The following LMAN2 variants were observed in gnomAD, a reference collection of about 807,000 sequenced individuals.
LMAN2 encodes vesicular integral-membrane protein VIP36.
In LMAN2, 22 loss-of-function variants were observed where a neutral mutation model predicts 39.3. The observed-to-expected ratio is 0.56, with a 90% CI of 0.40 to 0.80. The LOEUF (loss-of-function observed/expected upper bound fraction) is 0.80, where lower values mean the gene tolerates loss of function less well. Among genes scored for constraint, LMAN2 ranks in the 30% least tolerant of loss-of-function variants. The pLI is 0.00. For synonymous variants in LMAN2, 207 were observed against 207.8 expected (o/e 1.00, Z 0.03); for missense variants, 494 against 505.4 (o/e 0.98, Z 0.22).
At position 177,332,114 on chromosome 5, in the gene LMAN2, C is replaced by A. The variant is rs138390140; in HGVS notation, c.1043G>T (p.Arg348Leu). Residue 348 changes from arginine (R) to leucine (L), a missense_variant, in exon 8 of 8, where the codon CGG (arginine) becomes CTG (leucine). Arg to Leu is a moderately radical substitution (Grantham distance 102, BLOSUM62 -2). Transcript: ENST00000303127. This position sits in a 1 kb window ranked among gnomAD's most constrained non-coding sequence, Gnocchi z 6.3. Reference sequence around the variant, plus strand: ...GTAGAAGCGCTTGTTCCGCTCCTGCCGCTTCTGGAACACCACGGCCCCCAC... The same window carrying A: ...GTAGAAGCGCTTGTTCCGCTCCTGCAGCTTCTGGAACACCACGGCCCCCAC... ...AVVGAVVFQK[R>L]QERNKRFY The A allele has an allele frequency of 2.5e-6, 4 of 1,613,284 alleles. No individual in the cohort carries two copies. The highest frequency in any genetic ancestry group is 2.5e-6 in the Non-Finnish European group (3 of 1,179,850).
At chr5:177,342,428 A>G (rs1761567572) in intron 2 of LMAN2, among the ~76,000 whole-genome samples, 1 of 152,202 alleles carries the variant, frequency 6.6e-6, no homozygotes, top group Non-Finnish European at 1.5e-5. Context: ...TCACACCTGT[A>G]ATCTGAAACA....
intron 2 of LMAN2, among the ~76,000 whole-genome samples, chr5:177,341,201 G>T (rs892936478): frequency 2.0e-5 from 3 of 151,732 alleles, no homozygotes; most frequent in African/African-American, 7.3e-5. Context: ...TGAGGAGCTG[G>T]GATTACAGGC....
intron 2 of LMAN2, 60 bp from the exon 3 acceptor site, chr5:177,338,665 G>C: frequency 1.4e-6 from 2 of 1,380,346 alleles, no homozygotes; most frequent in Non-Finnish European, 2.1e-6. Context: ...CAAGCTGGAG[G>C]CAACCCCAGC....
intron 2 of LMAN2, 25 bp downstream of exon 2, chr5:177,351,148 G>A (rs1363266989): frequency 5.0e-6 from 8 of 1,603,736 alleles, no homozygotes; most frequent in South Asian, 3.3e-5. Context: ...CGCACAGTAC[G>A]CCTATCCTCT....
rs764703405 is a variant in LMAN2, at chr5:177,351,261, T to A, written c.227A>T (p.Asp76Val). 6.2e-7 allele frequency: 1 copy of A among 1,614,006 alleles called. No individual in the cohort carries two copies. The highest frequency in any genetic ancestry group is 8.5e-7 in the Non-Finnish European group (1 of 1,180,022). The change falls in exon 2 of 8, where the codon GAC (aspartate) becomes GTC (valine). Residue 76 changes from aspartate (D) to valine (V), a missense_variant. Asp to Val is a radical substitution (Grantham distance 152). Coordinates refer to ENST00000303127, the MANE Select transcript of LMAN2 (RefSeq NM_006816.3). ...GVGSSSMPLWDFQGSTMLTSQ... is the reference protein window; with the variant it reads ...GVGSSSMPLWVFQGSTMLTSQ... ...CGTGAGCATAGTGCTGCCCTGGAAG[T>A]CCCAGAGGGGCATAGAGCTGGAACC...
At chr5:177,335,029 T>C (rs983973000) in intron 6 of LMAN2, among the ~76,000 whole-genome samples, 1 of 152,208 alleles carries the variant, frequency 6.6e-6, no homozygotes, top group Non-Finnish European at 1.5e-5. Context: ...GGCTTGACGC[T>C]GATGGATCAC....
rs1554092033 is a variant in LMAN2, at chr5:177,345,736, C to CATTCATTTATTT, written c.315+5436_315+5437insAAATAAATGAAT. Among the ~76,000 whole-genome samples the CATTCATTTATTT allele has an allele frequency of 6.6e-4, 89 of 135,554 alleles. 1 individual carries two copies. The highest frequency in any genetic ancestry group is 5.8e-3 in the East Asian group (27 of 4,640). 88.9% of individuals were successfully genotyped at this position (135,554 alleles called of 152,430 possible). On this transcript the variant is annotated intron_variant, in intron 2 of 7. Coordinates refer to ENST00000303127, the MANE Select transcript of LMAN2 (RefSeq NM_006816.3). ...GAAGGCTCGCAGCAGCCATGGCATG[C>CATTCATTTATTT]ATTTATTTATTTATTTATTTATTTA...
At chr5:177,338,417 C>T in intron 3 of LMAN2, 71 bp downstream of exon 3, 3 of 1,296,418 alleles carry the variant, frequency 2.3e-6, no homozygotes, top group Non-Finnish European at 3.3e-6. Context: ...CCCCACCCCA[C>T]CTCCCTAGGG....
At chr5:177,343,922 A>C (rs776380484) in intron 2 of LMAN2, among the ~76,000 whole-genome samples, 3 of 152,146 alleles carry the variant, frequency 2.0e-5, no homozygotes, top group Non-Finnish European at 4.4e-5. Context: ...AAAAATGGTT[A>C]AAATGGGCCA....
chr5:177,347,193 G>A (rs976136678), intron 2 of LMAN2, among the ~76,000 whole-genome samples: 2 of 152,166 alleles, frequency 1.3e-5, no homozygotes, highest in African/African-American at 2.4e-5. Context: ...GTGCCCAGGA[G>A]TTTTCTGCAC....
chr5:177,351,615 G>T lies in LMAN2; in HGVS notation c.33C>A (p.Gly11=), dbSNP rs774636179. 3.1e-6 allele frequency: 5 copies of T among 1,601,686 alleles called. No individual in the cohort carries two copies. The highest frequency in any genetic ancestry group is 3.7e-4 in the Middle Eastern group (2 of 5,440). The part of the protein sequence containing the change: MAAEGWIWRW[G]WGRRCLGRPG... ...GCCTTCCCAGGCACCGCCGGCCCCA[G>T]CCCCAACGCCAAATCCAGCCTTCCG... The change falls in exon 1 of 8, where the codon GGC becomes GGA. Residue 11 remains glycine (G), a synonymous_variant. Coordinates refer to ENST00000303127, the MANE Select transcript of LMAN2 (RefSeq NM_006816.3).
intron 2 of LMAN2, among the ~76,000 whole-genome samples, chr5:177,343,204 G>A (rs1385100336): frequency 2.0e-5 from 3 of 152,266 alleles, no homozygotes; most frequent in South Asian, 2.1e-4. Flanking sequence ...CCAGCGAGCC[G>A]AGATCGCGCC....
At chr5:177,349,860 C>A (rs1258186352) in intron 2 of LMAN2, among the ~76,000 whole-genome samples, 1 of 152,062 alleles carries the variant, frequency 6.6e-6, no homozygotes, top group East Asian at 1.9e-4. Flanking sequence ...GTGGGTGGCA[C>A]TTGAATTGAG....
intron 6 of LMAN2, chr5:177,334,615 A>T: frequency 1.8e-6 from 1 of 546,568 alleles, no homozygotes; most frequent in Non-Finnish European, 3.1e-6. Flanking sequence ...GAGAGAAAAC[A>T]GTAAGGGCTT....
At chr5:177,349,499 A>C (rs917470536) in intron 2 of LMAN2, among the ~76,000 whole-genome samples, 2 of 152,320 alleles carry the variant, frequency 1.3e-5, no homozygotes, top group Admixed American at 6.5e-5. Context: ...TGGAGGAAGG[A>C]AGGCAAAACA....
chr5:177,343,227 C>T (rs1281698877), intron 2 of LMAN2, among the ~76,000 whole-genome samples: 1 of 152,154 alleles, frequency 6.6e-6, no homozygotes, highest in Non-Finnish European at 1.5e-5. Context: ...TGCACTCCAG[C>T]CTGGCGACAG....
chr5:177,347,490 G>A (rs533236869), intron 2 of LMAN2, among the ~76,000 whole-genome samples: 1 of 152,300 alleles, frequency 6.6e-6, no homozygotes, highest in South Asian at 2.1e-4. Context: ...AGGATCTTAA[G>A]CAGGCAAGGC....
intron 3 of LMAN2, 23 bp downstream of exon 3, chr5:177,338,465 C>G (rs1201082919): frequency 6.2e-7 from 1 of 1,602,276 alleles, no homozygotes; most frequent in African/African-American, 1.3e-5. Flanking sequence ...CCACAGGGCC[C>G]AGCTGAGCGA....
rs776398208 is a variant in LMAN2, at chr5:177,351,231, T to C, written c.257A>G (p.Gln86Arg). 3 of 1,614,206 alleles carry C rather than the reference T, an allele frequency of 1.9e-6. No homozygotes were observed. Among genetic ancestry groups the C allele is most frequent in the South Asian group, 1.1e-5 (1 of 91,086 alleles). Residue 86 changes from glutamine (Q) to arginine (R), a missense_variant, in exon 2 of 8, where the codon CAG becomes CGG. Physicochemically the swap from Gln to Arg is conservative, Grantham distance 43 (BLOSUM62 1). Coordinates refer to ENST00000303127, the MANE Select transcript of LMAN2 (RefSeq NM_006816.3). The part of the protein sequence containing the change: ...DFQGSTMLTS[Q>R]YVRLTPDERS... ...CTCGTCAGGGGTCAGACGTACGTAC[T>C]GGCTCGTGAGCATAGTGCTGCCCTG...
Sources: gnomAD v4.1 joint callset for allele counts (sites outside exome capture counted in the v4.1 genomes callset) on GRCh38, gnomAD v4.1.1 for gene constraint, Gnocchi (gnomAD v3.1) non-coding constraint, MANE v1.5 for transcripts, NCBI Gene and HGNC (gene_info 2026-07-23, HGNC 2026-07-21) for gene names.